The following DNER variants were observed in gnomAD, a reference collection of about 807,000 sequenced individuals.
DNER encodes delta/notch like EGF repeat containing, also known as delta and Notch-like epidermal growth factor-related receptor.
In DNER, 33 loss-of-function variants were observed where a neutral mutation model predicts 78.2. The observed-to-expected ratio is 0.42, with a 90% CI of 0.32 to 0.56. The LOEUF (loss-of-function observed/expected upper bound fraction) is 0.56. Ranked by LOEUF, DNER falls within the 20% of genes least tolerant of loss-of-function variation. The pLI is 0.11. For synonymous variants in DNER, 417 were observed against 384.8 expected (o/e 1.08, Z -0.98); for missense variants, 918 against 975.3 (o/e 0.94, Z 0.78).
At chr2:229,677,466 G>A (rs1454447872) in intron 1 of DNER, among the ~76,000 whole-genome samples, 9 of 152,158 alleles carry the variant, frequency 5.9e-5, no homozygotes, top group South Asian at 4.1e-4. Context: ...TTTTATGCAC[G>A]ACACTAAAAA....
At chr2:229,714,048 G>C in intron 1 of DNER, 100 bp downstream of exon 1, 1 of 1,127,354 alleles carries the variant, frequency 8.9e-7, no homozygotes, top group Non-Finnish European at 1.1e-6. Context: ...GAAAGCCTGT[G>C]TCAGGCGTGC....
At chr2:229,615,273 T>G (rs1161957452) in intron 1 of DNER, among the ~76,000 whole-genome samples, 1 of 150,760 alleles carries the variant, frequency 6.6e-6, no homozygotes, top group African/African-American at 2.4e-5. Context: ...TAGCCAGGCG[T>G]GGTGGCACAT....
At chr2:229,641,163 G>A (rs143564548) in intron 1 of DNER, among the ~76,000 whole-genome samples, 343 of 152,288 alleles carry the variant, frequency 2.3e-3, no homozygotes, top group African/African-American at 6.5e-3. Context: ...CAGAAATATC[G>A]GAAGTCAACA....
At chr2:229,523,197 C>T (rs1213016017) in intron 5 of DNER, among the ~76,000 whole-genome samples, 1 of 152,198 alleles carries the variant, frequency 6.6e-6, no homozygotes, top group Middle Eastern at 3.2e-3. Context: ...GGCACAAATC[C>T]TCTCTGCTGC....
intron 8 of DNER, among the ~76,000 whole-genome samples, chr2:229,426,436 A>G: frequency 1.2e-5 from 1 of 86,818 alleles, no homozygotes. Context: ...GCGAGACTCC[A>G]TCTCAAAAAA....
chr2:229,449,966 G>A (rs536935693), intron 7 of DNER, among the ~76,000 whole-genome samples: 1 of 152,254 alleles, frequency 6.6e-6, no homozygotes, highest in Admixed American at 6.5e-5. Context: ...ATTTTTAGTT[G>A]AGACGGGGCT....
intron 1 of DNER, among the ~76,000 whole-genome samples, chr2:229,689,095 G>A (rs150154631): frequency 6.0e-4 from 92 of 152,282 alleles, no homozygotes; most frequent in African/African-American, 2.0e-3. Context: ...CATGGCACAT[G>A]TTTACCTATG....
intron 8 of DNER, among the ~76,000 whole-genome samples, chr2:229,418,735 CA>C (rs2106349396): frequency 6.6e-6 from 1 of 152,092 alleles, no homozygotes; most frequent in South Asian, 2.1e-4. Context: ...GCCTGGCCAA[CA>C]TGGTGAAACT....
intron 1 of DNER, among the ~76,000 whole-genome samples, chr2:229,616,976 A>AT (rs1698176555): frequency 6.6e-6 from 1 of 152,216 alleles, no homozygotes; most frequent in African/African-American, 2.4e-5. Flanking sequence ...AATATGGCTA[A>AT]TTTTGGCAGA....
intron 5 of DNER, among the ~76,000 whole-genome samples, chr2:229,536,672 A>G (rs1456746915): frequency 6.6e-6 from 1 of 152,220 alleles, no homozygotes; most frequent in Non-Finnish European, 1.5e-5. Context: ...GGGCATAAAA[A>G]TCCAGCCAGA....
At chr2:229,569,530 TA>T (rs966489508) in intron 4 of DNER, among the ~76,000 whole-genome samples, 11 of 151,368 alleles carry the variant, frequency 7.3e-5, no homozygotes, top group South Asian at 4.2e-4. Context: ...TCAAAAAAAT[TA>T]AAAAAAAAAA....
At chr2:229,640,805 G>T (rs568751924) in intron 1 of DNER, among the ~76,000 whole-genome samples, 3 of 152,296 alleles carry the variant, frequency 2.0e-5, no homozygotes, top group African/African-American at 7.2e-5. Context: ...TCAGTGTCAT[G>T]GATGGGCAGT....
intron 12 of DNER, among the ~76,000 whole-genome samples, chr2:229,362,841 G>C (rs1427421077): frequency 6.6e-6 from 1 of 152,154 alleles, no homozygotes; most frequent in Non-Finnish European, 1.5e-5. Context: ...AGAAACAAAA[G>C]ATACTGTAAC....
intron 1 of DNER, among the ~76,000 whole-genome samples, chr2:229,641,132 G>T (rs1477838891): frequency 6.6e-6 from 1 of 152,166 alleles, no homozygotes; most frequent in African/African-American, 2.4e-5. Context: ...CATGGTAATG[G>T]TATGGACAGG....
At chr2:229,653,477 A>T (rs1341010482) in intron 1 of DNER, among the ~76,000 whole-genome samples, 1 of 151,586 alleles carries the variant, frequency 6.6e-6, no homozygotes, top group African/African-American at 2.4e-5. Context: ...TAAATTCTTC[A>T]CTCTACAGTT....
chr2:229,445,920 G>A (rs1017292826), intron 8 of DNER, among the ~76,000 whole-genome samples: 5 of 152,204 alleles, frequency 3.3e-5, no homozygotes, highest in Non-Finnish European at 5.9e-5. Flanking sequence ...TTAGAAAATC[G>A]GGGAATTAAG....
At chr2:229,667,666 G>C (rs1308543530) in intron 1 of DNER, among the ~76,000 whole-genome samples, 2 of 152,104 alleles carry the variant, frequency 1.3e-5, no homozygotes, top group Non-Finnish European at 2.9e-5. Flanking sequence ...CCCTATGTTT[G>C]TCACTACCCC....
At chr2:229,597,597 G>T (rs187324489) in intron 1 of DNER, among the ~76,000 whole-genome samples, 3 of 152,144 alleles carry the variant, frequency 2.0e-5, no homozygotes, top group Non-Finnish European at 4.4e-5. Context: ...TGTAATACAT[G>T]ATATTTTCCG....
intron 1 of DNER, among the ~76,000 whole-genome samples, chr2:229,685,706 C>A (rs1439395616): frequency 6.6e-6 from 1 of 152,128 alleles, no homozygotes; most frequent in African/African-American, 2.4e-5. Context: ...ATTTTTTATT[C>A]ATTCAACAAT....
Sources: gnomAD v4.1 joint callset for allele counts (sites outside exome capture counted in the v4.1 genomes callset) on GRCh38, gnomAD v4.1.1 for gene constraint, MANE v1.5 for transcripts, NCBI Gene and HGNC (gene_info 2026-07-23, HGNC 2026-07-21) for gene names.